The following TSHZ3 variants were observed in gnomAD, a reference collection of about 807,000 sequenced individuals.
TSHZ3 encodes teashirt homolog 3.
TSHZ3 carries 10 observed loss-of-function variants against 64.5 expected under a neutral mutation model. The observed-to-expected ratio is 0.16, with a 90% CI of 0.10 to 0.26. The LOEUF is 0.26. Ranked by LOEUF, TSHZ3 falls within the 10% of genes least tolerant of loss-of-function variation. The pLI is 1.00. For synonymous variants in TSHZ3, 608 were observed against 593.1 expected (o/e 1.03, Z -0.36); for missense variants, 1,242 against 1,421.7 (o/e 0.87, Z 2.03).
chr19:31,325,624 T>A (rs1916911548), intron 1 of TSHZ3, among the ~76,000 whole-genome samples: 1 of 152,158 alleles, frequency 6.6e-6, no homozygotes, highest in Admixed American at 6.5e-5. Context: ...TGGATATTTA[T>A]CATTTTGTTA....
At chr19:31,265,590 G>A (rs1046212996) in intron 1 of TSHZ3, among the ~76,000 whole-genome samples, 6 of 152,000 alleles carry the variant, frequency 3.9e-5, no homozygotes, top group Non-Finnish European at 8.8e-5. Flanking sequence ...GCAAACTGAG[G>A]CCAGACATTA....
At chr19:31,255,278 C>T (rs1479439234) in intron 1 of TSHZ3, among the ~76,000 whole-genome samples, 1 of 152,080 alleles carries the variant, frequency 6.6e-6, no homozygotes, top group East Asian at 1.9e-4. Context: ...ACGGGCTCTG[C>T]TTGCTACCCT....
chr19:31,327,804 C>T (rs1027324081), intron 1 of TSHZ3, among the ~76,000 whole-genome samples: 1 of 152,108 alleles, frequency 6.6e-6, no homozygotes, highest in Non-Finnish European at 1.5e-5. Flanking sequence ...AAATCCAATA[C>T]ACAAAATGAA....
intron 4 of TSHZ3, among the ~76,000 whole-genome samples, chr19:31,208,652 C>A (rs2049661992): frequency 6.6e-6 from 1 of 152,180 alleles, no homozygotes; most frequent in Non-Finnish European, 1.5e-5. Context: ...TAGCATAATT[C>A]CCTGGCACAT....
chr19:31,310,542 G>A (rs1305168120), intron 1 of TSHZ3, among the ~76,000 whole-genome samples: 2 of 152,140 alleles, frequency 1.3e-5, no homozygotes, highest in African/African-American at 2.4e-5. Flanking sequence ...ACCAATCTAT[G>A]ACAAGCTGGA....
intron 5 of TSHZ3, among the ~76,000 whole-genome samples, chr19:31,196,748 T>A (rs892294086): frequency 6.6e-6 from 1 of 151,850 alleles, no homozygotes; most frequent in African/African-American, 2.4e-5. Context: ...AGGAGTCAAT[T>A]CTCCAAGAAG....
chr19:31,268,038 G>T (rs757139742), intron 1 of TSHZ3, among the ~76,000 whole-genome samples: 2 of 152,092 alleles, frequency 1.3e-5, no homozygotes, highest in Admixed American at 6.5e-5. Context: ...GAATCATGGG[G>T]GTGGGTCTTT....
intron 1 of TSHZ3, among the ~76,000 whole-genome samples, chr19:31,285,169 C>G (rs1458227929): frequency 1.3e-5 from 2 of 152,154 alleles, no homozygotes; most frequent in African/African-American, 4.8e-5. Context: ...TGTGCCCACA[C>G]TCAAATACCC....
chr19:31,258,339 C>T (rs1224768213), intron 1 of TSHZ3, among the ~76,000 whole-genome samples: 1 of 152,130 alleles, frequency 6.6e-6, no homozygotes. Context: ...TCCAGTAAAG[C>T]CCTTGATCCA....
chr19:31,318,580 C>T (rs1051264063), intron 1 of TSHZ3, among the ~76,000 whole-genome samples: 1 of 152,124 alleles, frequency 6.6e-6, no homozygotes, highest in African/African-American at 2.4e-5. Context: ...AAATTAGTCA[C>T]TTCTGGAACA....
intron 5 of TSHZ3, among the ~76,000 whole-genome samples, chr19:31,188,989 G>T (rs1974859274): frequency 1.3e-5 from 2 of 151,814 alleles, no homozygotes; most frequent in Admixed American, 1.3e-4. Context: ...TATGTTCTGT[G>T]TGTTAATTTT....
intron 1 of TSHZ3, chr19:31,308,760 C>CTCAG: frequency 2.5e-6 from 1 of 398,520 alleles, no homozygotes; most frequent in South Asian, 1.3e-4. Flanking sequence ...CTGCTGAAAT[C>CTCAG]CTGGCTGTGT....
chr19:31,181,091 C>T (rs1219647552), intron 5 of TSHZ3, among the ~76,000 whole-genome samples: 1 of 152,050 alleles, frequency 6.6e-6, no homozygotes, highest in African/African-American at 2.4e-5. Flanking sequence ...GGTGGCTCTC[C>T]AGTTTGACAC....
At chr19:31,292,963 A>G (rs1260513186) in intron 1 of TSHZ3, among the ~76,000 whole-genome samples, 1 of 146,088 alleles carries the variant, frequency 6.8e-6, no homozygotes, top group Non-Finnish European at 1.5e-5. Flanking sequence ...CCATCCAACC[A>G]AAAACCCATC....
chr19:31,203,795 T>C (rs1232089711), intron 5 of TSHZ3, among the ~76,000 whole-genome samples: 1 of 151,886 alleles, frequency 6.6e-6, no homozygotes, highest in Non-Finnish European at 1.5e-5. Context: ...CCCTTTCTTC[T>C]TCCCTCTCTC....
chr19:31,345,453 C>A (rs1334896686), intron 1 of TSHZ3, among the ~76,000 whole-genome samples: 1 of 152,150 alleles, frequency 6.6e-6, no homozygotes, highest in East Asian at 1.9e-4. Flanking sequence ...TTAGGCATGC[C>A]CATGTCTACT....
At chr19:31,287,806 A>G (rs1976490162) in intron 1 of TSHZ3, among the ~76,000 whole-genome samples, 2 of 152,184 alleles carry the variant, frequency 1.3e-5, no homozygotes, top group South Asian at 4.1e-4. Context: ...GGCCCTCAGG[A>G]TGGCCACCAA....
intron 3 of TSHZ3, among the ~76,000 whole-genome samples, chr19:31,240,287 T>G (rs1975670767): frequency 6.6e-6 from 1 of 152,136 alleles, no homozygotes; most frequent in South Asian, 2.1e-4. Context: ...AATATTTATA[T>G]TAGAAAGTAA....
intron 5 of TSHZ3, among the ~76,000 whole-genome samples, chr19:31,177,711 T>G (rs1035369327): frequency 3.3e-5 from 5 of 152,126 alleles, no homozygotes; most frequent in Non-Finnish European, 5.9e-5. Flanking sequence ...TCTTTGGGGG[T>G]TGCTTTTTTT....
Sources: allele counts gnomAD v4.1 joint callset (sites outside exome capture counted in the v4.1 genomes callset), GRCh38; gene constraint gnomAD v4.1.1; transcripts MANE v1.5; gene names NCBI Gene and HGNC (gene_info 2026-07-23, HGNC 2026-07-21).